GSG1L: variants seen among roughly 807,000 people sequenced by gnomAD.
GSG1L encodes GSG1 like.
In GSG1L, 24 loss-of-function variants were observed where a neutral mutation model predicts 42.1. That is an observed-to-expected ratio of 0.57 (90% CI 0.41 to 0.80). GSG1L has a LOEUF of 0.80. Among genes scored for constraint, GSG1L ranks in the 30% least tolerant of loss-of-function variants. GSG1L has a pLI of 0.00. For missense variants in GSG1L, 445 were observed against 472.2 expected (o/e 0.94, Z 0.53); for synonymous variants, 215 against 203.5 (o/e 1.06, Z -0.48).
rs539371919 is a variant in GSG1L at position 27,914,547 on chromosome 16, A to G, written c.398-29909T>C. Among the ~76,000 whole-genome samples, 360 of 125,804 alleles carry G rather than the reference A, an allele frequency of 2.9e-3. 1 individual carries two copies. Among genetic ancestry groups the G allele is most frequent in the African/African-American group, 0.013 (345 of 25,634 alleles). The allele number at this position is 125,804 out of a possible 152,430, so 82.5% of individuals were successfully genotyped here. A position where few individuals can be genotyped will look rare whatever the true frequency, so the allele number is the denominator to read the frequency against. On this transcript the variant is annotated intron_variant, in intron 2 of 6. Transcript: ENST00000447459. ...TCTTTTCTATTTTTTTTTTTTTGAC[A>G]AGATCTCACTCTGTTGCCCAGGCTG...
intron 2 of GSG1L, among the ~76,000 whole-genome samples, chr16:27,947,208 T>C (rs906408098): frequency 1.2e-4 from 18 of 151,962 alleles, no homozygotes; most frequent in African/African-American, 4.4e-4. Flanking sequence ...CTCACTGCAG[T>C]CTCGACCTCC....
intron 1 of GSG1L, among the ~76,000 whole-genome samples, chr16:28,039,155 A>C (rs1022827745): frequency 1.3e-5 from 2 of 152,190 alleles, no homozygotes; most frequent in Non-Finnish European, 2.9e-5. Flanking sequence ...GTTAGGAAGG[A>C]TTCTGAGGGA....
At chr16:27,943,435 G>A (rs558323185) in intron 2 of GSG1L, among the ~76,000 whole-genome samples, 3 of 151,850 alleles carry the variant, frequency 2.0e-5, no homozygotes, top group African/African-American at 7.2e-5. Context: ...TCAACATAAT[G>A]TCAAGCAGAA....
At chr16:27,963,355 A>G (rs2085092749) in intron 1 of GSG1L, among the ~76,000 whole-genome samples, 152 bp from the exon 2 acceptor site, 2 of 152,122 alleles carry the variant, frequency 1.3e-5, no homozygotes, top group Non-Finnish European at 2.9e-5. Context: ...TAGAAGCCCA[A>G]CATCCCAGGA....
At chr16:27,812,758 T>TTTG (rs753382446) in intron 5 of GSG1L, among the ~76,000 whole-genome samples, 12 of 151,490 alleles carry the variant, frequency 7.9e-5, no homozygotes, top group African/African-American at 1.7e-4. Context: ...TTATTTTGTC[T>TTTG]TTGTTGTTGT....
At chr16:27,840,030 ATCTT>A (rs1437372164) in intron 4 of GSG1L, among the ~76,000 whole-genome samples, 2 of 126,616 alleles carry the variant, frequency 1.6e-5, no homozygotes, top group Middle Eastern at 3.7e-3. Flanking sequence ...AGTAACCTTA[ATCTT>A]TTTTTTTTTT....
intron 2 of GSG1L, among the ~76,000 whole-genome samples, chr16:27,951,632 G>A (rs1280971342): frequency 4.6e-5 from 7 of 152,188 alleles, no homozygotes; most frequent in South Asian, 2.1e-4. Context: ...GCCACCTGGC[G>A]TATTCCGGCT....
chr16:27,900,503 TG>T (rs1214532658), intron 2 of GSG1L, among the ~76,000 whole-genome samples: 3 of 152,126 alleles, frequency 2.0e-5, no homozygotes, highest in Admixed American at 2.0e-4. Context: ...GATGCCTGCT[TG>T]GGGGGCCTGG....
intron 2 of GSG1L, among the ~76,000 whole-genome samples, chr16:27,892,177 G>T (rs57025015): frequency 6.6e-6 from 1 of 152,092 alleles, no homozygotes; most frequent in Admixed American, 6.5e-5. Context: ...AAATGAGGCC[G>T]AATGCAGTAG....
At chr16:27,942,126 TA>T (rs924156830) in intron 2 of GSG1L, among the ~76,000 whole-genome samples, 184 of 147,518 alleles carry the variant, frequency 1.2e-3, no homozygotes, top group African/African-American at 4.4e-3. Flanking sequence ...TTTACCATAA[TA>T]AAAAAAATTA....
chr16:27,799,680 G>T (rs2082860772), intron 6 of GSG1L, among the ~76,000 whole-genome samples: 1 of 152,122 alleles, frequency 6.6e-6, no homozygotes, highest in Non-Finnish European at 1.5e-5. Flanking sequence ...ACTTGTGAAG[G>T]GGGCGGGCAC....
chr16:27,916,134 T>C (rs1567517451), intron 2 of GSG1L, among the ~76,000 whole-genome samples: 2 of 152,118 alleles, frequency 1.3e-5, no homozygotes, highest in African/African-American at 2.4e-5. Flanking sequence ...AAAAAAGGCG[T>C]GCTTCCTGTG....
intron 5 of GSG1L, among the ~76,000 whole-genome samples, chr16:27,810,859 GTATTT>G (rs2083023045): frequency 6.6e-6 from 1 of 152,070 alleles, no homozygotes; most frequent in South Asian, 2.1e-4. Context: ...GGCTAATTTT[GTATTT>G]TTAGTAGAGA....
chr16:27,794,311 C>T (rs2082792250), intron 6 of GSG1L, among the ~76,000 whole-genome samples: 1 of 152,040 alleles, frequency 6.6e-6, no homozygotes, highest in Non-Finnish European at 1.5e-5. Context: ...AGTCACCATG[C>T]CCAGCTGGAT....
Position 28,063,580 on chromosome 16 carries a change from C to G in GSG1L, c.-156G>C, listed in dbSNP as rs1029726981. ...GGACGCGGCGCGGGCCCATGCCCCC[C>G]CCAACCCCGGGGTGGGGGCGCGGCG... On this transcript the variant is annotated 5_prime_UTR_variant, in exon 1 of 7. Coordinates refer to ENST00000447459, the MANE Select transcript of GSG1L (RefSeq NM_001109763.2). The surrounding 1 kb of genome is among the most constrained non-coding windows in gnomAD (Gnocchi z 5.8). 5 of 223,878 alleles carry G rather than the reference C, an allele frequency of 2.2e-5. No individual in the cohort carries two copies. Among genetic ancestry groups the G allele is most frequent in the Non-Finnish European group, 3.0e-5 (4 of 134,086 alleles). The allele number at this position is 223,878 out of a possible 1,614,324, so 13.9% of individuals were successfully genotyped here.
At chr16:27,849,197 CAAAAAGAA>C (rs796584072) in intron 3 of GSG1L, among the ~76,000 whole-genome samples, 11,805 of 113,672 alleles carry the variant, frequency 0.1, 678 homozygotes, top group African/African-American at 0.17. Flanking sequence ...GCCTCTATCC[CAAAAAGAA>C]AAAAAAAAAA....
intron 3 of GSG1L, among the ~76,000 whole-genome samples, chr16:27,874,684 G>A (rs1291885472): frequency 1.3e-5 from 2 of 152,080 alleles, no homozygotes; most frequent in African/African-American, 4.8e-5. Flanking sequence ...TCCACAAAGA[G>A]ACAGCATGGG....
intron 5 of GSG1L, among the ~76,000 whole-genome samples, chr16:27,823,505 C>T (rs2083171715): frequency 6.6e-6 from 1 of 152,076 alleles, no homozygotes; most frequent in African/African-American, 2.4e-5. Flanking sequence ...TTCTTCCTGT[C>T]CATCAGCCCC....
At chr16:27,812,692 G>T (rs958383832) in intron 5 of GSG1L, among the ~76,000 whole-genome samples, 1 of 152,168 alleles carries the variant, frequency 6.6e-6, no homozygotes, top group Non-Finnish European at 1.5e-5. Flanking sequence ...GAGGCTTCTC[G>T]GGGTGGTACC....
Sources: gnomAD v4.1 joint callset for allele counts (sites outside exome capture counted in the v4.1 genomes callset) on GRCh38, gnomAD v4.1.1 for gene constraint, Gnocchi (gnomAD v3.1) non-coding constraint, MANE v1.5 for transcripts, NCBI Gene and HGNC (gene_info 2026-07-23, HGNC 2026-07-21) for gene names.